The following ETNPPL variants were observed in gnomAD, a reference collection of about 807,000 sequenced individuals.
ETNPPL encodes alanine--glyoxylate aminotransferase 2-like 1.
Under a neutral mutation model 55.5 loss-of-function variants are expected in ETNPPL, and 30 were observed. The observed-to-expected ratio is 0.54, with a 90% CI of 0.40 to 0.73. The LOEUF (loss-of-function observed/expected upper bound fraction) is 0.73, where lower values mean the gene tolerates loss of function less well. ETNPPL is among the 30% of genes least tolerant of loss of function. ETNPPL has a pLI of 0.00. For synonymous variants in ETNPPL, 202 were observed against 207.2 expected, an observed-to-expected ratio of 0.98 and a Z score of 0.21; for missense variants, 528 against 607.9, an observed-to-expected ratio of 0.87 and a Z score of 1.38.
intron 7 of ETNPPL, 133 bp downstream of exon 7, chr4:108,750,803 G>T (rs1315868659): frequency 6.0e-6 from 4 of 672,076 alleles, no homozygotes; most frequent in Non-Finnish European, 1.1e-5. Context: ...GGAGTCCTGG[G>T]TTGGCAGGCA....
At chr4:108,752,485 T>C (rs1728960380) in intron 6 of ETNPPL, among the ~76,000 whole-genome samples, 1 of 152,202 alleles carries the variant, frequency 6.6e-6, no homozygotes, top group African/African-American at 2.4e-5. Flanking sequence ...CCAGGCTCCA[T>C]GGCTTCAAGA....
rs1560649951 is a variant in ETNPPL, at chr4:108,747,136, ATATATATATATAATATATATATATATAT to A, written c.1083-313_1083-286del. The stretch of plus-strand genomic sequence containing the variant: ...ATAAATGTTAACATTATATATATAT[ATATATATATATAATATATATATATATAT>A]TATATATATATATATAATATATATA... On this transcript the variant is annotated intron_variant, in intron 9 of 12. Transcript: ENST00000296486. Among the ~76,000 whole-genome samples the A allele has an allele frequency of 5.2e-3, 134 of 25,882 alleles. 10 individuals carry two copies. Among genetic ancestry groups the A allele is most frequent in the African/African-American group, 1.0e-2 (52 of 5,212 alleles). 17.0% of individuals were successfully genotyped at this position (25,882 alleles called of 152,430 possible). A position where few individuals can be genotyped will look rare whatever the true frequency, so the allele number is the denominator to read the frequency against.
At chr4:108,756,571 T>C (rs957309655) in intron 3 of ETNPPL, 79 bp from the exon 4 acceptor site, 15 of 1,079,708 alleles carry the variant, frequency 1.4e-5, no homozygotes, top group Non-Finnish European at 2.0e-5. Context: ...GCACGGTAGC[T>C]CACGCCTGTA....
chr4:108,747,136 AT>A (rs1266721223), intron 9 of ETNPPL, among the ~76,000 whole-genome samples: 2 of 25,880 alleles, frequency 7.7e-5, no homozygotes, highest in Non-Finnish European at 1.3e-4. Context: ...ATATATATAT[AT>A]ATATATATAT....
intron 11 of ETNPPL, among the ~76,000 whole-genome samples, chr4:108,745,224 T>A (rs1484399691): frequency 1.3e-5 from 2 of 152,132 alleles, no homozygotes; most frequent in Non-Finnish European, 2.9e-5. Context: ...TAATTCTGAA[T>A]AACAAAAGTC....
chr4:108,762,905 G>T lies in ETNPPL; in HGVS notation c.-7C>A, dbSNP rs1410578795. On this transcript the variant is annotated 5_prime_UTR_variant, in exon 1 of 13. Transcript: ENST00000296486. Reference sequence around the variant, plus strand: ...TACTGTACAGCTCGCACATGGTGGCGGGGTGCAGGGCGCTGCGAAGGTGCA... The same window carrying T: ...TACTGTACAGCTCGCACATGGTGGCTGGGTGCAGGGCGCTGCGAAGGTGCA... 1.9e-6 allele frequency: 3 copies of T among 1,613,850 alleles called. No homozygotes were observed. The highest frequency in any genetic ancestry group is 2.2e-5 in the South Asian group (2 of 91,094).
chr4:108,753,805 A>AAAGAAAGAAAGAAAGAAAGAAAGAAAGG, intron 5 of ETNPPL, among the ~76,000 whole-genome samples: 1 of 117,544 alleles, frequency 8.5e-6, no homozygotes, highest in South Asian at 2.6e-4. Flanking sequence ...AGAAAGAAAG[A>AAAGAAAGAAAGAAAGAAAGAAAGAAAGG]AAAGAGAAGA....
rs762866046 is a variant in ETNPPL at position 108,762,862 on chromosome 4, G to C, written c.37C>G (p.Leu13Val). ...CCTTACCCGATGTGCTTCTTCCTCA[G>C]CCCCAGAGTGTCCCGCTTACTGTAC... ...ELYSKRDTLGLRKKHIGPSCK... is the reference protein window; with the variant it reads ...ELYSKRDTLGVRKKHIGPSCK... Residue 13 changes from leucine to valine, a missense_variant, in exon 1 of 13, where the codon CTG (leucine) becomes GTG (valine). Coordinates refer to ENST00000296486, the MANE Select transcript of ETNPPL (RefSeq NM_031279.4). The C allele has an allele frequency of 9.9e-6, 16 of 1,613,980 alleles. No individual in the cohort carries two copies. The highest frequency in any genetic ancestry group is 5.3e-5 in the African/African-American group (4 of 74,938).
In ETNPPL at chr4:108,746,769, T is replaced by G; in HGVS notation, c.1165A>C (p.Ile389Leu). Residue 389 changes from isoleucine (I) to leucine (L), a missense_variant, in exon 10 of 13, where the codon ATC becomes CTC. Transcript: ENST00000296486. ...TPATAEAQHI[I>L]YKMKEKRVLL... Reference sequence around the variant, plus strand: ...GGTGTGGGGGTGAATTACTTGTAGATGATGTGCTGAGCTTCAGCTGTGGCA... The same window carrying G: ...GGTGTGGGGGTGAATTACTTGTAGAGGATGTGCTGAGCTTCAGCTGTGGCA... 6.2e-7 allele frequency: 1 copy of G among 1,613,778 alleles called. No homozygotes were observed. Among genetic ancestry groups the G allele is most frequent in the East Asian group, 2.2e-5 (1 of 44,864 alleles).
Position 108,742,592 on chromosome 4 carries a change from T to C in ETNPPL, c.1392A>G (p.Ile464Met). Residue 464 changes from isoleucine to methionine, a missense_variant, in exon 13 of 13, where the codon ATA (isoleucine) becomes ATG (methionine). Coordinates refer to ENST00000296486, the MANE Select transcript of ETNPPL (RefSeq NM_031279.4). ...CKTKMLKEAH[I>M]ELLRDSTTDS... ...CAGTGGTGCTGTCCCTAAGCAGTTC[T>C]ATGTGGGCTTCTTTCAGCATCTGCA... The C allele has an allele frequency of 6.2e-7, 1 of 1,614,152 alleles. No individual in the cohort carries two copies. Among genetic ancestry groups the C allele is most frequent in the Non-Finnish European group, 8.5e-7 (1 of 1,180,018 alleles).
intron 7 of ETNPPL, 92 bp from the exon 8 acceptor site, chr4:108,749,555 A>AT: frequency 1.0e-6 from 1 of 974,872 alleles, no homozygotes; most frequent in Non-Finnish European, 1.6e-6. Context: ...CAAAAAAAAA[A>AT]AGTTGTTAAC....
intron 4 of ETNPPL, among the ~76,000 whole-genome samples, chr4:108,755,070 T>A (rs1729133041): frequency 1.3e-5 from 2 of 152,250 alleles, no homozygotes; most frequent in African/African-American, 4.8e-5. Context: ...ATGTATTCTT[T>A]AAATGTGTTA....
Position 108,751,038 on chromosome 4 carries a change from G to A in ETNPPL, c.619-20C>T, listed in dbSNP as rs2276971. ...AGCAATCTATACAAGAGAAGATGGTGTCAAAGTCCATTAGGTCCCCCTACA... is the reference window on the plus strand; with the variant it reads ...AGCAATCTATACAAGAGAAGATGGTATCAAAGTCCATTAGGTCCCCCTACA... On this transcript the variant is annotated intron_variant, in intron 6 of 12. Transcript: ENST00000296486. The A allele has an allele frequency of 0.083, 131,464 of 1,585,206 alleles. 10,429 individuals carry two copies. The highest frequency in any genetic ancestry group is 0.5 in the East Asian group (22,338 of 44,512).
chr4:108,750,625 A>ATTTATATATATATATATATATATATC, intron 7 of ETNPPL, among the ~76,000 whole-genome samples: 1 of 122,890 alleles, frequency 8.1e-6, no homozygotes, highest in African/African-American at 3.8e-5. Context: ...ATATATATAT[A>ATTTATATATATATATATATATATATC]TCCTATTAGT....
At chr4:108,743,995 G>A in intron 11 of ETNPPL, 139 bp from the exon 12 acceptor site, 1 of 630,146 alleles carries the variant, frequency 1.6e-6, no homozygotes, top group Non-Finnish European at 2.8e-6. Context: ...GGGCGCTGTG[G>A]CTCATGCCTG....
chr4:108,753,109 A>G, intron 5 of ETNPPL, 98 bp from the exon 6 acceptor site: 1 of 689,354 alleles, frequency 1.5e-6, no homozygotes, highest in South Asian at 1.8e-5. Flanking sequence ...AATGGTGATC[A>G]TGTGAACTTA....
At chr4:108,750,615 A>ATATATATTT (rs1399430293) in intron 7 of ETNPPL, among the ~76,000 whole-genome samples, 6 of 135,758 alleles carry the variant, frequency 4.4e-5, no homozygotes, top group Admixed American at 3.6e-4. Flanking sequence ...TATATATAGG[A>ATATATATTT]TATATATATA....
Position 108,760,241 on chromosome 4 carries a change from A to G in ETNPPL, c.122T>C (p.Met41Thr). 6.2e-7 allele frequency: 1 copy of G among 1,613,084 alleles called. No individual in the cohort carries two copies. Among genetic ancestry groups the G allele is most frequent in the Non-Finnish European group, 8.5e-7 (1 of 1,179,152 alleles). Residue 41 changes from methionine (M) to threonine (T), a missense_variant, in exon 2 of 13, where the codon ATG (methionine) becomes ACG (threonine). By Grantham distance (81) the Met-to-Thr change is moderately conservative. Transcript: ENST00000296486. ...GTACTGTTCACCGTTCTCATCAAACATGTACTGCCTCTGGGCTCTCACTAT... is the reference window on the plus strand; with the variant it reads ...GTACTGTTCACCGTTCTCATCAAACGTGTACTGCCTCTGGGCTCTCACTAT... ...IKIVRAQRQYMFDENGEQYLD... is the reference protein window; with the variant it reads ...IKIVRAQRQYTFDENGEQYLD...
rs1729198375 is a variant in ETNPPL, at chr4:108,756,434, C to T, written c.394G>A (p.Val132Met). 6.2e-7 allele frequency: 1 copy of T among 1,613,940 alleles called. No homozygotes were observed. Among genetic ancestry groups the T allele is most frequent in the Non-Finnish European group, 8.5e-7 (1 of 1,179,762 alleles). ...AAGACTTACTGGTCAAGAGTGATCA[C>T]ATCCTGGTGGCCTCTGAACTGCCGA... ...LARQFRGHQD[V>M]ITLDHAYHGH... The change falls in exon 4 of 13, where the codon GTG (valine) becomes ATG (methionine). Residue 132 changes from valine (V) to methionine (M), a missense_variant. Val to Met is a conservative substitution (Grantham distance 21). Coordinates refer to ENST00000296486, the MANE Select transcript of ETNPPL (RefSeq NM_031279.4).
Sources: allele counts gnomAD v4.1 joint callset (sites outside exome capture counted in the v4.1 genomes callset), GRCh38; gene constraint gnomAD v4.1.1; transcripts MANE v1.5; gene names NCBI Gene and HGNC (gene_info 2026-07-23, HGNC 2026-07-21).